The following CNTN5 variants were observed in gnomAD, a reference collection of about 807,000 sequenced individuals.
CNTN5 encodes the protein contactin 5.
CNTN5 carries 77 observed loss-of-function variants against 129.1 expected under a neutral mutation model. That is an observed-to-expected ratio of 0.60 (90% CI 0.50 to 0.72). CNTN5 has a LOEUF of 0.72. CNTN5 is among the 30% of genes least tolerant of loss of function. CNTN5 has a pLI of 0.00. For synonymous variants in CNTN5, 509 were observed against 465.6 expected, an observed-to-expected ratio of 1.09 and a Z score of -1.20; for missense variants, 1,478 against 1,328.8, an observed-to-expected ratio of 1.11 and a Z score of -1.75.
intron 9 of CNTN5, among the ~76,000 whole-genome samples, chr11:100,035,970 A>C (rs147682344): frequency 0.014 from 2,076 of 152,160 alleles, 48 homozygotes; most frequent in African/African-American, 0.046. Context: ...TCTTTAGTTT[A>C]ATTAGATCCC....
chr11:99,950,339 G>C (rs1394829766), intron 7 of CNTN5, among the ~76,000 whole-genome samples: 1 of 152,144 alleles, frequency 6.6e-6, no homozygotes, highest in African/African-American at 2.4e-5. Context: ...AAATTAGCCA[G>C]GTGTGGTGGT....
intron 3 of CNTN5, among the ~76,000 whole-genome samples, chr11:99,571,002 A>C (rs1949158667): frequency 6.6e-6 from 1 of 152,196 alleles, no homozygotes; most frequent in African/African-American, 2.4e-5. Flanking sequence ...TACAGATGAG[A>C]GAAGAATCAA....
At chr11:99,021,844 G>T (rs1314654581) in intron 1 of CNTN5, among the ~76,000 whole-genome samples, 3 of 152,164 alleles carry the variant, frequency 2.0e-5, no homozygotes, top group Non-Finnish European at 2.9e-5. Context: ...GATTGTGATA[G>T]ATTAAAAAAT....
chr11:100,219,242 C>G (rs1189482688), intron 15 of CNTN5, among the ~76,000 whole-genome samples: 12 of 152,184 alleles, frequency 7.9e-5, no homozygotes, highest in African/African-American at 2.4e-4. Flanking sequence ...AGCACAGATT[C>G]TATGCCTGTA....
intron 7 of CNTN5, among the ~76,000 whole-genome samples, chr11:99,921,187 G>A (rs939952900): frequency 1.3e-5 from 2 of 152,178 alleles, no homozygotes; most frequent in Non-Finnish European, 2.9e-5. Context: ...GCACACTCAT[G>A]CACCATCTCA....
chr11:99,055,192 C>T (rs1369887015), intron 1 of CNTN5, among the ~76,000 whole-genome samples: 3 of 151,974 alleles, frequency 2.0e-5, no homozygotes, highest in Non-Finnish European at 4.4e-5. Context: ...TCCCATTATG[C>T]TCTATAGCCA....
intron 2 of CNTN5, among the ~76,000 whole-genome samples, chr11:99,346,825 G>A (rs1278712296): frequency 1.3e-5 from 2 of 152,188 alleles, no homozygotes; most frequent in Non-Finnish European, 2.9e-5. Context: ...TGAGGACACA[G>A]CAAGAAGGCA....
chr11:99,494,732 G>A (rs182034367), intron 2 of CNTN5, among the ~76,000 whole-genome samples: 1 of 152,210 alleles, frequency 6.6e-6, no homozygotes, highest in Non-Finnish European at 1.5e-5. Context: ...CCAAGCTGAC[G>A]GGCATGCCCT....
intron 1 of CNTN5, among the ~76,000 whole-genome samples, chr11:99,107,563 A>G (rs1867056625): frequency 6.6e-6 from 1 of 152,102 alleles, no homozygotes; most frequent in African/African-American, 2.4e-5. Flanking sequence ...TATTATATTA[A>G]CTAACAAACA....
intron 3 of CNTN5, among the ~76,000 whole-genome samples, chr11:99,561,368 A>G (rs138315163): frequency 6.6e-6 from 1 of 152,210 alleles, no homozygotes; most frequent in East Asian, 1.9e-4. Context: ...TCATAAGTCC[A>G]TATTGATATA....
chr11:99,555,095 G>A (rs1948621786), intron 2 of CNTN5, among the ~76,000 whole-genome samples: 1 of 151,886 alleles, frequency 6.6e-6, no homozygotes, highest in African/African-American at 2.4e-5. Flanking sequence ...TTAGGTAGAG[G>A]TACTAACAAT....
At chr11:99,553,075 T>C (rs1565288270) in intron 2 of CNTN5, among the ~76,000 whole-genome samples, 1 of 152,180 alleles carries the variant, frequency 6.6e-6, no homozygotes, top group Non-Finnish European at 1.5e-5. Flanking sequence ...TACTTGCAAA[T>C]ATTTGCAATA....
intron 16 of CNTN5, among the ~76,000 whole-genome samples, chr11:100,226,527 T>C (rs753841141): frequency 4.6e-5 from 7 of 152,206 alleles, no homozygotes; most frequent in East Asian, 1.9e-4. Flanking sequence ...TAGGAGATGA[T>C]AAAATGCATA....
At chr11:99,278,108 T>A (rs1292864753) in intron 1 of CNTN5, among the ~76,000 whole-genome samples, 1 of 151,690 alleles carries the variant, frequency 6.6e-6, no homozygotes, top group Non-Finnish European at 1.5e-5. Context: ...CAAACTGATA[T>A]TCAGGAGCCT....
rs182463862 is a variant in CNTN5 at position 99,329,966 on chromosome 11, T to G, written c.-71+4482T>G. 2.5e-3 allele frequency among the ~76,000 whole-genome samples: 369 copies of G among 147,914 alleles called. 1 individual carries two copies. The highest frequency in any genetic ancestry group is 8.6e-3 in the African/African-American group (343 of 40,054). On this transcript the variant is annotated intron_variant, in intron 2 of 24. Transcript: ENST00000524871. ...ACACACACACACACACAATCCCTTATATTTAAAGCTTGGTATCTGAAAAGT... is the reference window on the plus strand; with the variant it reads ...ACACACACACACACACAATCCCTTAGATTTAAAGCTTGGTATCTGAAAAGT...
intron 2 of CNTN5, among the ~76,000 whole-genome samples, chr11:99,466,827 A>AT (rs994103418): frequency 1.5e-4 from 22 of 151,492 alleles, no homozygotes; most frequent in Admixed American, 5.3e-4. Flanking sequence ...TTTTATTTTG[A>AT]TTTTTTTTTA....
At chr11:100,352,042 A>C (rs1427422238) in intron 24 of CNTN5, among the ~76,000 whole-genome samples, 1 of 151,706 alleles carries the variant, frequency 6.6e-6, no homozygotes, top group African/African-American at 2.4e-5. Context: ...TCAGGGGTAC[A>C]TGTGCAGGTT....
chr11:99,620,501 T>C (rs929160985), intron 3 of CNTN5, among the ~76,000 whole-genome samples: 4 of 101,630 alleles, frequency 3.9e-5, no homozygotes, highest in African/African-American at 1.2e-4. Flanking sequence ...AACTCTTTTT[T>C]TCTTTTCTTT....
At chr11:99,747,492 G>T (rs993167332) in intron 3 of CNTN5, among the ~76,000 whole-genome samples, 4 of 115,066 alleles carry the variant, frequency 3.5e-5, no homozygotes, top group African/African-American at 1.0e-4. Flanking sequence ...TTGAGACAGA[G>T]TCTTGCTCTG....
Sources: gnomAD v4.1 joint callset for allele counts (sites outside exome capture counted in the v4.1 genomes callset) on GRCh38, gnomAD v4.1.1 for gene constraint, MANE v1.5 for transcripts, NCBI Gene and HGNC (gene_info 2026-07-23, HGNC 2026-07-21) for gene names.